The following TDRD5 variants were observed in gnomAD, a reference collection of about 807,000 sequenced individuals.
TDRD5 encodes the protein tudor domain-containing protein 5.
Under a neutral mutation model 120.6 loss-of-function variants are expected in TDRD5, and 41 were observed. The observed-to-expected ratio is 0.34, with a 90% CI of 0.26 to 0.44. The LOEUF (loss-of-function observed/expected upper bound fraction) is 0.44. Ranked by LOEUF, TDRD5 falls within the 20% of genes least tolerant of loss-of-function variation. TDRD5 has a pLI of 1.00. For synonymous variants in TDRD5, 430 were observed against 433.7 expected (o/e 0.99, Z 0.11); for missense variants, 1,006 against 1,221.2 (o/e 0.82, Z 2.63).
At chr1:179,687,501 G>C (rs1012855118) in intron 17 of TDRD5, among the ~76,000 whole-genome samples, 8 of 152,210 alleles carry the variant, frequency 5.3e-5, no homozygotes, top group Non-Finnish European at 8.8e-5. Flanking sequence ...ATGTGGTGCT[G>C]AGAAGAACAT....
At chr1:179,648,130 A>C (rs1000534694) in intron 11 of TDRD5, among the ~76,000 whole-genome samples, 26 of 148,540 alleles carry the variant, frequency 1.8e-4, no homozygotes, top group African/African-American at 6.3e-4. Flanking sequence ...TCATGCTGCT[A>C]TAAAGACACA....
chr1:179,631,260 T>C (rs773895481), intron 7 of TDRD5, among the ~76,000 whole-genome samples: 5 of 151,926 alleles, frequency 3.3e-5, no homozygotes, highest in African/African-American at 7.3e-5. Context: ...GGCGTGGTGG[T>C]GGGCGCCTGT....
chr1:179,670,820 T>C (rs1679820478), intron 17 of TDRD5, among the ~76,000 whole-genome samples: 1 of 152,250 alleles, frequency 6.6e-6, no homozygotes, highest in Non-Finnish European at 1.5e-5. Context: ...GGTATAAATA[T>C]TCCTCCAGTC....
At chr1:179,641,119 C>T (rs570653707) in intron 11 of TDRD5, among the ~76,000 whole-genome samples, 3 of 132,904 alleles carry the variant, frequency 2.3e-5, no homozygotes, top group South Asian at 4.9e-4. Context: ...ATTTTTCCTT[C>T]AGAACTCTTA....
Position 179,662,090 on chromosome 1 carries a change from C to T in TDRD5, c.2323-14C>T, listed in dbSNP as rs750407787. The stretch of plus-strand genomic sequence containing the variant: ...ATAAATGATAGTTTTTCTTTGTCTT[C>T]TGTTACATTTTAGGATGAGATCCCC... On this transcript the variant is annotated splice_polypyrimidine_tract_variant and intron_variant, in intron 14 of 17. Transcript: ENST00000444136. 6.6e-7 allele frequency: 1 copy of T among 1,523,264 alleles called. No homozygotes were observed. Among genetic ancestry groups the T allele is most frequent in the Non-Finnish European group, 8.8e-7 (1 of 1,140,468 alleles). The allele number at this position is 1,523,264 out of a possible 1,614,324, so 94.4% of individuals were successfully genotyped here.
chr1:179,645,287 G>A (rs771048205), intron 11 of TDRD5, among the ~76,000 whole-genome samples: 14 of 151,070 alleles, frequency 9.3e-5, no homozygotes, highest in Admixed American at 7.2e-4. Flanking sequence ...GGGTTTCACC[G>A]TTTTAGCCGG....
chr1:179,659,255 AT>A (rs1679159137), intron 14 of TDRD5, among the ~76,000 whole-genome samples: 1 of 152,124 alleles, frequency 6.6e-6, no homozygotes, highest in African/African-American at 2.4e-5. Flanking sequence ...GATCCAATTG[AT>A]TAGTGGTATT....
intron 17 of TDRD5, among the ~76,000 whole-genome samples, chr1:179,686,254 G>C (rs990901949): frequency 1.3e-5 from 2 of 152,168 alleles, no homozygotes; most frequent in Admixed American, 6.6e-5. Flanking sequence ...TAGCATGAAG[G>C]GCTGTTGAAT....
At chr1:179,686,225 C>T (rs1680704410) in intron 17 of TDRD5, among the ~76,000 whole-genome samples, 1 of 151,964 alleles carries the variant, frequency 6.6e-6, no homozygotes, top group Non-Finnish European at 1.5e-5. Flanking sequence ...CCATCAATAC[C>T]TAATTTATTG....
At chr1:179,651,512 A>G (rs1223161095) in intron 12 of TDRD5, among the ~76,000 whole-genome samples, 5 of 151,984 alleles carry the variant, frequency 3.3e-5, no homozygotes. Flanking sequence ...CCTAGAGAAG[A>G]ATAACACTCC....
intron 17 of TDRD5, among the ~76,000 whole-genome samples, chr1:179,681,198 C>T (rs1010263788): frequency 3.3e-5 from 5 of 152,228 alleles, no homozygotes; most frequent in African/African-American, 4.8e-5. Flanking sequence ...CTGCTTCAGT[C>T]TCTCAAGCAG....
At chr1:179,637,197 T>G (rs774865147) in intron 9 of TDRD5, among the ~76,000 whole-genome samples, 12 of 152,230 alleles carry the variant, frequency 7.9e-5, no homozygotes, top group Non-Finnish European at 1.6e-4. Context: ...GTATGTATGC[T>G]TCTACTCCAG....
chr1:179,664,819 T>A (rs186782987), intron 16 of TDRD5, among the ~76,000 whole-genome samples: 8 of 152,214 alleles, frequency 5.3e-5, no homozygotes, highest in Admixed American at 5.2e-4. Flanking sequence ...TAACTAGGAG[T>A]GGAGTTTCTG....
intron 7 of TDRD5, 35 bp from the exon 8 acceptor site, chr1:179,634,422 T>A: frequency 1.3e-6 from 2 of 1,573,004 alleles, no homozygotes; most frequent in Non-Finnish European, 1.7e-6. Context: ...CCATTTGAGA[T>A]GGAGTTGTTT....
intron 10 of TDRD5, 21 bp from the exon 11 acceptor site, chr1:179,640,358 A>G (rs763885499): frequency 7.4e-6 from 12 of 1,613,782 alleles, no homozygotes; most frequent in Non-Finnish European, 8.5e-6. Context: ...TTGAACTTAC[A>G]TATTTGATTA....
chr1:179,690,980 C>T lies in TDRD5; in HGVS notation c.*37C>T, dbSNP rs200749037. 219 of 1,581,034 alleles carry T rather than the reference C, an allele frequency of 1.4e-4. 1 individual carries two copies. Among genetic ancestry groups the T allele is most frequent in the Non-Finnish European group, 7.5e-5 (87 of 1,164,620 alleles). On this transcript the variant is annotated 3_prime_UTR_variant, in exon 18 of 18. Coordinates refer to ENST00000444136, the MANE Select transcript of TDRD5 (RefSeq NM_001199085.3). Reference sequence around the variant, plus strand: ...AGGAGGGAGAAAAACAGAATCCAGCCGCTTAGGCTTTGATGAACTCCCAGG... The same window carrying T: ...AGGAGGGAGAAAAACAGAATCCAGCTGCTTAGGCTTTGATGAACTCCCAGG...
Position 179,669,311 on chromosome 1 carries a change from A to G in TDRD5, c.2767A>G (p.Ser923Gly), listed in dbSNP as rs534358653. Residue 923 changes from serine (S) to glycine (G), a missense_variant, in exon 17 of 18, where the codon AGT becomes GGT. Around this residue, in one of 3 missense-constraint regions of TDRD5, gnomAD observed 403 missense variants for 448.1 expected, o/e 0.90. Coordinates refer to ENST00000444136, the MANE Select transcript of TDRD5 (RefSeq NM_001199085.3). ...CGGGAGCCAGTCTGAACCCAACAACAGTCAGACTCAGCCAAAGCAAATTCA... is the reference window on the plus strand; with the variant it reads ...CGGGAGCCAGTCTGAACCCAACAACGGTCAGACTCAGCCAAAGCAAATTCA... ...ADGSQSEPNN[S>G]QTQPKQIQLS... 11 of 1,614,184 alleles carry G rather than the reference A, an allele frequency of 6.8e-6. No individual in the cohort carries two copies. The highest frequency in any genetic ancestry group is 9.3e-6 in the Non-Finnish European group (11 of 1,180,040).
At chr1:179,680,617 G>A (rs1456625065) in intron 17 of TDRD5, among the ~76,000 whole-genome samples, 1 of 152,056 alleles carries the variant, frequency 6.6e-6, no homozygotes, top group Non-Finnish European at 1.5e-5. Context: ...GCATTTGCAG[G>A]GCATATTATT....
chr1:179,677,588 T>G (rs1209178144), intron 17 of TDRD5, among the ~76,000 whole-genome samples: 1 of 152,192 alleles, frequency 6.6e-6, no homozygotes, highest in African/African-American at 2.4e-5. Flanking sequence ...GATTGGGGCT[T>G]CCTGAGAACT....
Sources: gnomAD v4.1 joint callset for allele counts (sites outside exome capture counted in the v4.1 genomes callset) on GRCh38, gnomAD v4.1.1 for gene constraint, gnomAD v4.1.1 regional missense constraint, MANE v1.5 for transcripts, NCBI Gene and HGNC (gene_info 2026-07-23, HGNC 2026-07-21) for gene names.